Variants in ACIN1 observed in about 807,000 individuals in gnomAD.
The protein encoded by ACIN1 is apoptotic chromatin condensation inducer 1.
In ACIN1, 16 loss-of-function variants were observed where a neutral mutation model predicts 146.6. The observed-to-expected ratio is 0.11, with a 90% CI of 0.07 to 0.17. The LOEUF (loss-of-function observed/expected upper bound fraction) is 0.17, where lower values mean the gene tolerates loss of function less well. Among genes scored for constraint, ACIN1 ranks in the 10% least tolerant of loss-of-function variants. The pLI, the probability that ACIN1 is intolerant of heterozygous loss-of-function variation, is 1.00. For synonymous variants in ACIN1, 569 were observed against 582.7 expected (o/e 0.98, Z 0.34); for missense variants, 1,357 against 1,609.3 (o/e 0.84, Z 2.68).
chr14:23,071,447 G>A (rs546364982), intron 8 of ACIN1: 4 of 1,551,702 alleles, frequency 2.6e-6, no homozygotes, highest in South Asian at 1.2e-5. Flanking sequence ...GAGTTCGGCT[G>A]GATTGGTCTC....
chr14:23,074,232 A>T (rs76399704), intron 8 of ACIN1, among the ~76,000 whole-genome samples: 1 of 151,610 alleles, frequency 6.6e-6, no homozygotes, highest in African/African-American at 2.4e-5. Flanking sequence ...CCCCATGATC[A>T]ATTCTGTGGG....
chr14:23,094,867 G>C, intron 1 of ACIN1, 108 bp downstream of exon 1: 3 of 1,430,978 alleles, frequency 2.1e-6, no homozygotes, highest in Admixed American at 4.8e-5. Context: ...CGCGCTGGCG[G>C]CCTGAGCGAG....
chr14:23,069,336 T>G, intron 9 of ACIN1, 140 bp downstream of exon 9: 1 of 1,393,038 alleles, frequency 7.2e-7, no homozygotes, highest in Non-Finnish European at 9.3e-7. Flanking sequence ...AATTCTCCCT[T>G]GGCCCTATTC....
chr14:23,059,707 G>A (rs1275489469), intron 18 of ACIN1, among the ~76,000 whole-genome samples: 1 of 150,234 alleles, frequency 6.7e-6, no homozygotes, highest in African/African-American at 2.5e-5. Context: ...GGCTGGGAGT[G>A]CAGTGGCACG....
chr14:23,092,334 G>T (rs1388368092), intron 2 of ACIN1, among the ~76,000 whole-genome samples: 1 of 152,074 alleles, frequency 6.6e-6, no homozygotes. Context: ...TTGAAGGGTG[G>T]GTTGCATGTG....
At chr14:23,069,081 T>C (rs2047546713) in intron 9 of ACIN1, 2 of 991,228 alleles carry the variant, frequency 2.0e-6, no homozygotes, top group Non-Finnish European at 2.4e-6. Flanking sequence ...GAACCACCAA[T>C]GTCCACTAGA....
At chr14:23,082,941 T>C (rs1460705003) in intron 4 of ACIN1, among the ~76,000 whole-genome samples, 1 of 149,234 alleles carries the variant, frequency 6.7e-6, no homozygotes, top group Non-Finnish European at 1.5e-5. Flanking sequence ...GGTTTCATCA[T>C]GTTGCCTAGG....
Position 23,080,024 on chromosome 14 carries a change from C to T in ACIN1, c.1311G>A (p.Val437=), listed in dbSNP as rs761360749. The T allele has an allele frequency of 2.6e-5, 42 of 1,614,008 alleles. No homozygotes were observed. Among genetic ancestry groups the T allele is most frequent in the Non-Finnish European group, 3.1e-5 (37 of 1,180,040 alleles). Residue 437 remains valine, a synonymous_variant, in exon 6 of 19, where the codon GTG becomes GTA. Coordinates refer to ENST00000605057, the MANE Select transcript of ACIN1 (RefSeq NM_001386863.1). ...DTKAESPAEK[V]PEESVLPLVQ... Reference sequence around the variant, plus strand: ...CCAGAGGCAGGACACTCTCCTCTGGCACTTTCTCTGCTGGAGATTCTGCTT... The same window carrying T: ...CCAGAGGCAGGACACTCTCCTCTGGTACTTTCTCTGCTGGAGATTCTGCTT...
rs141647909 is a variant in ACIN1, at chr14:23,084,193, C to T, written c.437-2357G>A. ...AACTCCTGACCTTGTCATCCTCCCCCTCCTTGGCCTCCCAAAGTGCTGGGA... is the reference window on the plus strand; with the variant it reads ...AACTCCTGACCTTGTCATCCTCCCCTTCCTTGGCCTCCCAAAGTGCTGGGA... On this transcript the variant is annotated intron_variant, in intron 4 of 18. Transcript: ENST00000605057. Among the ~76,000 whole-genome samples the T allele has an allele frequency of 6.3e-3, 963 of 152,304 alleles. 15 individuals are homozygous for T. The highest frequency in any genetic ancestry group is 0.022 in the African/African-American group (929 of 41,558).
chr14:23,090,446 GT>G lies in ACIN1; in HGVS notation c.316+75del. ...CCTCACTTATTTCTGAAATTGTCTA[GT>G]TAGACAGGCCTATCTACTTGGTGAC... On this transcript the variant is annotated intron_variant, in intron 3 of 18. Transcript: ENST00000605057. The G allele has an allele frequency of 2.3e-6, 3 of 1,299,442 alleles. No individual in the cohort carries two copies. In the East Asian group the frequency reaches 7.0e-5, roughly 30 times the overall value. The allele number at this position is 1,299,442 out of a possible 1,614,324, so 80.5% of individuals were successfully genotyped here. A position where few individuals can be genotyped will look rare whatever the true frequency, so the allele number is the denominator to read the frequency against.
chr14:23,080,306 A>T lies in ACIN1; in HGVS notation c.1029T>A (p.Leu343=). 1 of 1,614,146 alleles carries T rather than the reference A, an allele frequency of 6.2e-7. No individual in the cohort carries two copies. The change falls in exon 6 of 19, where the codon CTT becomes CTA. Residue 343 remains leucine, a synonymous_variant. Transcript: ENST00000605057. ...RLTEDRKKAS[L]VALPEQTASE... ...TGGCAGTTTGCTCTGGCAGCGCTAC[A>T]AGTGAGGCCTTCTTTCGATCTTCAG... is the stretch of plus-strand genomic sequence containing the variant.
intron 8 of ACIN1, among the ~76,000 whole-genome samples, chr14:23,076,262 G>C (rs574132716): frequency 6.6e-6 from 1 of 152,314 alleles, no homozygotes; most frequent in African/African-American, 2.4e-5. Flanking sequence ...TGATAGGCAG[G>C]TAGAAGGAAA....
chr14:23,063,636 T>C, intron 12 of ACIN1, 59 bp from the exon 13 acceptor site: 1 of 1,602,682 alleles, frequency 6.2e-7, no homozygotes, highest in Non-Finnish European at 8.5e-7. Flanking sequence ...CATATTCTTT[T>C]CAGCCTCTGG....
Position 23,060,741 on chromosome 14 carries a change from C to T in ACIN1, c.3525+343G>A, listed in dbSNP as rs530677059. Among the ~76,000 whole-genome samples the T allele has an allele frequency of 1.5e-3, 231 of 152,092 alleles. 2 individuals are homozygous for T. The highest frequency in any genetic ancestry group is 0.012 in the South Asian group (56 of 4,818). Reference sequence around the variant, plus strand: ...GGCCAGACTGGTCTGCAACTCCTGACCTGAGGTGATCCACCCGACTCGGCC... The same window carrying T: ...GGCCAGACTGGTCTGCAACTCCTGATCTGAGGTGATCCACCCGACTCGGCC... On this transcript the variant is annotated intron_variant, in intron 18 of 18. Coordinates refer to ENST00000605057, the MANE Select transcript of ACIN1 (RefSeq NM_001386863.1).
rs770302468 is a variant in ACIN1 at position 23,095,130 on chromosome 14, G to A, written c.-18C>T. ...TCCGCCATCTTGCGTGAGGTACTCG[G>A]GTCCGTCCCGACGGCTTCGGGCATC... is the stretch of plus-strand genomic sequence containing the variant. On this transcript the variant is annotated 5_prime_UTR_variant, in exon 1 of 19. Coordinates refer to ENST00000605057, the MANE Select transcript of ACIN1 (RefSeq NM_001386863.1). The A allele has an allele frequency of 4.0e-5, 65 of 1,614,228 alleles. No individual in the cohort carries two copies. The highest frequency in any genetic ancestry group is 5.2e-5 in the Non-Finnish European group (61 of 1,180,054).
Position 23,078,809 on chromosome 14 carries a change from C to T in ACIN1, c.2007+11G>A. The T allele has an allele frequency of 2.5e-6, 4 of 1,611,362 alleles. No homozygotes were observed. The highest frequency in any genetic ancestry group is 3.4e-6 in the Non-Finnish European group (4 of 1,179,338). ...TCCATCTCTGTGTAGGGAGGGGTCA[C>T]AATAGCCTACCCGCTCAGGCTGTAA... On this transcript the variant is annotated intron_variant, in intron 7 of 18. Coordinates refer to ENST00000605057, the MANE Select transcript of ACIN1 (RefSeq NM_001386863.1).
At chr14:23,093,380 C>G (rs928109165) in intron 2 of ACIN1, 99 bp downstream of exon 2, 5 of 1,215,274 alleles carry the variant, frequency 4.1e-6, no homozygotes, top group African/African-American at 1.5e-5. Context: ...CTTAGGAAAA[C>G]AGTCATGAGG....
rs140549989 is a variant in ACIN1, at chr14:23,069,005, C to T, written c.2265+471G>A. 9.1e-4 allele frequency: 901 copies of T among 985,992 alleles called. 6 individuals are homozygous for T. The African/African-American group carries it at 0.015, about 16-fold the overall frequency. 61.1% of individuals were successfully genotyped at this position (985,992 alleles called of 1,614,324 possible). ...AGTGCTGGCTTCTAAGTAGCTACAT[C>T]TCTGCAGTCAGACCACTGGAGGGCA... On this transcript the variant is annotated intron_variant, in intron 9 of 18. Coordinates refer to ENST00000605057, the MANE Select transcript of ACIN1 (RefSeq NM_001386863.1).
At chr14:23,069,648 G>GGGGGGGGCC in intron 8 of ACIN1, 31 bp from the exon 9 acceptor site, 11 of 589,332 alleles carry the variant, frequency 1.9e-5, no homozygotes, top group Non-Finnish European at 3.5e-5. Flanking sequence ...TGGTGGGGGG[G>GGGGGGGGCC]CGGGCAGAAA....
Sources: allele counts gnomAD v4.1 joint callset (sites outside exome capture counted in the v4.1 genomes callset), GRCh38; gene constraint gnomAD v4.1.1; transcripts MANE v1.5; gene names NCBI Gene and HGNC (gene_info 2026-07-23, HGNC 2026-07-21).